The following TMCC2 variants were observed in gnomAD, a reference collection of about 807,000 sequenced individuals.
TMCC2 encodes transmembrane and coiled-coil domain family 2, also known as transmembrane and coiled-coil domains protein 2.
Under a neutral mutation model 49.4 loss-of-function variants are expected in TMCC2, and 16 were observed. The observed-to-expected ratio is 0.32, with a 90% CI of 0.22 to 0.49. The LOEUF (loss-of-function observed/expected upper bound fraction) is 0.49. Among genes scored for constraint, TMCC2 ranks in the 20% least tolerant of loss-of-function variants. The pLI is 0.99. For missense variants in TMCC2, 762 were observed against 989.8 expected (o/e 0.77, Z 3.09); for synonymous variants, 397 against 434.1 (o/e 0.91, Z 1.06).
intron 2 of TMCC2, among the ~76,000 whole-genome samples, chr1:205,266,874 C>G (rs1444092645): frequency 1.3e-5 from 2 of 152,132 alleles, no homozygotes; most frequent in Non-Finnish European, 2.9e-5. Context: ...TTTTTGTCGG[C>G]GAGGACACTG....
At chr1:205,233,970 A>G (rs1659919007) in intron 1 of TMCC2, 1 of 152,036 alleles carries the variant, frequency 6.6e-6, no homozygotes, top group Non-Finnish European at 1.5e-5. Context: ...GAATGAAGAT[A>G]TGTACGTTCC....
Position 205,269,165 on chromosome 1 carries a change from C to T in TMCC2, c.963C>T (p.Ala321=), listed in dbSNP as rs1399186553. The T allele has an allele frequency of 3.7e-6, 6 of 1,614,108 alleles. No individual in the cohort carries two copies. The highest frequency in any genetic ancestry group is 5.1e-6 in the Non-Finnish European group (6 of 1,180,018). ...DDNVAEYLKL[A]NNADKQQVSR... ...ATGTGGCAGAGTATCTGAAACTGGC[C>T]AACAACGCGGACAAGCAGCAGGTGT... Residue 321 remains alanine, a synonymous_variant, in exon 3 of 5, where the codon GCC becomes GCT. Transcript: ENST00000358024.
intron 2 of TMCC2, chr1:205,267,780 C>A (rs978209342): frequency 4.4e-6 from 3 of 680,478 alleles, no homozygotes; most frequent in East Asian, 1.3e-4. Context: ...CTGATGCACT[C>A]GGGAAGCCTG....
chr1:205,265,013 A>C (rs1216525421), intron 2 of TMCC2, among the ~76,000 whole-genome samples: 1 of 152,206 alleles, frequency 6.6e-6, no homozygotes, highest in Non-Finnish European at 1.5e-5. Context: ...GAAGAGAATA[A>C]AATGGGGATA....
intron 1 of TMCC2, among the ~76,000 whole-genome samples, chr1:205,232,741 C>T (rs988547720): frequency 2.6e-5 from 4 of 151,878 alleles, no homozygotes; most frequent in African/African-American, 9.7e-5. Context: ...TTGAGACCAT[C>T]CTGGCCAACA....
intron 2 of TMCC2, chr1:205,256,311 C>T (rs755292329): frequency 5.2e-6 from 8 of 1,549,560 alleles, no homozygotes; most frequent in Non-Finnish European, 7.0e-6. Flanking sequence ...TGACACTGCT[C>T]ACTGCTCATT....
At chr1:205,254,359 A>G (rs1660780364) in intron 2 of TMCC2, among the ~76,000 whole-genome samples, 1 of 152,194 alleles carries the variant, frequency 6.6e-6, no homozygotes, top group Non-Finnish European at 1.5e-5. Flanking sequence ...CTTAGAAAGC[A>G]TGGAAGTGAG....
chr1:205,232,642 G>T (rs1659844945), intron 1 of TMCC2, among the ~76,000 whole-genome samples: 1 of 152,060 alleles, frequency 6.6e-6, no homozygotes, highest in South Asian at 2.1e-4. Context: ...TAAGAATACA[G>T]CATACGGGCC....
chr1:205,271,010 A>C, intron 3 of TMCC2, 110 bp from the exon 4 acceptor site: 1 of 1,454,316 alleles, frequency 6.9e-7, no homozygotes, highest in South Asian at 1.3e-5. Context: ...AGAGCTGGAC[A>C]CGGGGGATGG....
At chr1:205,252,930 G>A (rs1395015828) in intron 2 of TMCC2, among the ~76,000 whole-genome samples, 1 of 151,462 alleles carries the variant, frequency 6.6e-6, no homozygotes, top group Non-Finnish European at 1.5e-5. Flanking sequence ...AGGCCAGCCT[G>A]GGCAACATAG....
At chr1:205,256,346 C>G in intron 2 of TMCC2, 2 of 1,550,816 alleles carry the variant, frequency 1.3e-6, no homozygotes, top group Non-Finnish European at 1.7e-6. Flanking sequence ...ACCTCTGTCC[C>G]CCTCTGCTGG....
chr1:205,242,133 C>A, intron 2 of TMCC2, 89 bp downstream of exon 2: 2 of 1,390,052 alleles, frequency 1.4e-6, no homozygotes, highest in Non-Finnish European at 1.9e-6. Flanking sequence ...GAGCCAGGGG[C>A]CCTCCCTGGC....
chr1:205,252,971 T>A (rs556575551), intron 2 of TMCC2, among the ~76,000 whole-genome samples: 3,468 of 142,406 alleles, frequency 0.024, 126 homozygotes, highest in South Asian at 0.12. Flanking sequence ...AAAAAAAAAA[T>A]AATAATAATA....
rs1235467053 is a variant in TMCC2, at chr1:205,269,411, G to A, written c.1209G>A (p.Val403=). 6.2e-7 allele frequency: 1 copy of A among 1,606,346 alleles called. No homozygotes were observed. The highest frequency in any genetic ancestry group is 1.1e-5 in the South Asian group (1 of 90,838). Residue 403 remains valine (V), a synonymous_variant, in exon 3 of 5, where the codon GTG becomes GTA. Transcript: ENST00000358024. ...TCAGCGGCTTTGGGGGCGGCGTGGT[G>A]GAGGGCGTCAAGGGCAGCCTCTCTG... ...AGISGFGGGV[V]EGVKGSLSGL...
intron 2 of TMCC2, among the ~76,000 whole-genome samples, chr1:205,255,426 A>C (rs113330487): frequency 0.022 from 3,315 of 152,120 alleles, 119 homozygotes; most frequent in African/African-American, 0.076. Flanking sequence ...GTGGTGGTGC[A>C]CGCCTGTAGT....
chr1:205,231,984 G>A (rs766151357), intron 1 of TMCC2, among the ~76,000 whole-genome samples: 3 of 152,160 alleles, frequency 2.0e-5, no homozygotes, highest in Admixed American at 6.5e-5. Flanking sequence ...AAGCACCTCC[G>A]TAGAGGTTGG....
intron 1 of TMCC2, among the ~76,000 whole-genome samples, chr1:205,240,838 C>G (rs1660236265): frequency 6.6e-6 from 1 of 152,226 alleles, no homozygotes; most frequent in Non-Finnish European, 1.5e-5. Context: ...AAGCTCTCAC[C>G]TTGCTTTTCG....
chr1:205,267,794 G>C, intron 2 of TMCC2: 1 of 840,028 alleles, frequency 1.2e-6, no homozygotes, highest in Non-Finnish European at 1.4e-6. Flanking sequence ...AAGCCTGCCC[G>C]CCTGGTGGGG....
At chr1:205,253,340 C>A (rs902096846) in intron 2 of TMCC2, among the ~76,000 whole-genome samples, 2 of 152,202 alleles carry the variant, frequency 1.3e-5, no homozygotes, top group Non-Finnish European at 2.9e-5. Flanking sequence ...AGTAAAAGGG[C>A]TGAGACCTTC....
Sources: allele counts gnomAD v4.1 joint callset (sites outside exome capture counted in the v4.1 genomes callset), GRCh38; gene constraint gnomAD v4.1.1; transcripts MANE v1.5; gene names NCBI Gene and HGNC (gene_info 2026-07-23, HGNC 2026-07-21).